Variants in MYO10 observed in about 807,000 individuals in gnomAD.
MYO10 encodes the protein myosin X, also known as unconventional myosin-X.
Under a neutral mutation model 257.3 loss-of-function variants are expected in MYO10, and 133 were observed. The ratio of observed to expected loss-of-function variants is 0.52; its 90% CI spans 0.45 to 0.60. The LOEUF (loss-of-function observed/expected upper bound fraction) is 0.60, where lower values mean the gene tolerates loss of function less well. Among genes scored for constraint, MYO10 ranks in the 20% least tolerant of loss-of-function variants. The pLI, the probability that MYO10 is intolerant of heterozygous loss-of-function variation, is 0.00. For synonymous variants in MYO10, 1,104 were observed against 1,028.6 expected (o/e 1.07, Z -1.40); for missense variants, 2,399 against 2,635.7 (o/e 0.91, Z 1.97).
chr5:16,670,130 T>C (rs552980247), intron 39 of MYO10, among the ~76,000 whole-genome samples: 1 of 152,324 alleles, frequency 6.6e-6, no homozygotes, highest in South Asian at 2.1e-4. Flanking sequence ...TAGACATTCT[T>C]CCTTTCAAAC....
At chr5:16,920,099 C>T (rs1365189183) in intron 1 of MYO10, among the ~76,000 whole-genome samples, 3 of 151,334 alleles carry the variant, frequency 2.0e-5, no homozygotes, top group Non-Finnish European at 4.4e-5. Flanking sequence ...AACAGAGCGA[C>T]ATTCAGTCTC....
rs1317824118 is a variant in MYO10 at position 16,935,801 on chromosome 5, T to C, written c.8A>G (p.Asn3Ser). The C allele has an allele frequency of 1.2e-6, 2 of 1,613,194 alleles. No individual in the cohort carries two copies. The highest frequency in any genetic ancestry group is 8.5e-7 in the Non-Finnish European group (1 of 1,179,658). ...GAGCGCACTTACCTCGGTGAAGAAG[T>C]TATCCATTGTTCCAGCGCAGTCCCG... The part of the protein sequence containing the change: MD[N>S]FFTEGTRVWL... The change falls in exon 1 of 41, where the codon AAC becomes AGC. Residue 3 changes from asparagine (N) to serine (S), a missense_variant. Physicochemically the swap from Asn to Ser is conservative, Grantham distance 46. This residue lies in a region of MYO10 where 242 missense variants were observed against 249.5 expected (regional missense o/e 0.97). Coordinates refer to ENST00000513610, the MANE Select transcript of MYO10 (RefSeq NM_012334.3).
intron 2 of MYO10, among the ~76,000 whole-genome samples, chr5:16,829,876 G>T (rs1743111489): frequency 6.7e-6 from 1 of 148,648 alleles, no homozygotes; most frequent in Non-Finnish European, 1.5e-5. Context: ...CAGTTGGAAG[G>T]AACGGCTAAT....
intron 3 of MYO10, among the ~76,000 whole-genome samples, chr5:16,802,910 C>T (rs1381957472): frequency 6.7e-6 from 1 of 150,084 alleles, no homozygotes; most frequent in African/African-American, 2.5e-5. Context: ...TCAAGACCGG[C>T]CTGGGCAACA....
chr5:16,803,515 GAAGA>G (rs1742183321), intron 3 of MYO10, among the ~76,000 whole-genome samples: 1 of 152,154 alleles, frequency 6.6e-6, no homozygotes, highest in African/African-American at 2.4e-5. Context: ...GACTATTCAG[GAAGA>G]GAGAACAAAA....
intron 1 of MYO10, among the ~76,000 whole-genome samples, chr5:16,892,460 G>A (rs980844955): frequency 6.6e-6 from 1 of 152,112 alleles, no homozygotes; most frequent in African/African-American, 2.4e-5. Context: ...GGGCAACATG[G>A]TGAGACCCCC....
chr5:16,716,866 T>G (rs560577828), intron 19 of MYO10, among the ~76,000 whole-genome samples: 1 of 152,270 alleles, frequency 6.6e-6, no homozygotes, highest in African/African-American at 2.4e-5. Flanking sequence ...GAAGTCTCAC[T>G]CTTGTCACCC....
chr5:16,756,818 A>C (rs933052725), intron 18 of MYO10, among the ~76,000 whole-genome samples: 3 of 152,032 alleles, frequency 2.0e-5, no homozygotes, highest in African/African-American at 7.2e-5. Flanking sequence ...CAAAAACCCA[A>C]GGGTGGGTGC....
chr5:16,899,148 A>G (rs1745305431), intron 1 of MYO10, among the ~76,000 whole-genome samples: 1 of 151,624 alleles, frequency 6.6e-6, no homozygotes, highest in Non-Finnish European at 1.5e-5. Context: ...AAAAAAAAAA[A>G]AAAAAGTGCT....
At chr5:16,760,547 TG>T (rs1740678621) in intron 17 of MYO10, among the ~76,000 whole-genome samples, 1 of 151,978 alleles carries the variant, frequency 6.6e-6, no homozygotes, top group African/African-American at 2.4e-5. Flanking sequence ...CAAGTTTCTG[TG>T]TGTTTTCTTT....
At chr5:16,876,352 A>C (rs760245388) in intron 2 of MYO10, among the ~76,000 whole-genome samples, 1 of 152,156 alleles carries the variant, frequency 6.6e-6, no homozygotes, top group Non-Finnish European at 1.5e-5. Context: ...TAGTGATAGG[A>C]CTTTTCATTC....
chr5:16,771,419 G>A (rs1254313357), intron 9 of MYO10, among the ~76,000 whole-genome samples: 1 of 151,546 alleles, frequency 6.6e-6, no homozygotes, highest in Admixed American at 6.6e-5. Context: ...TATAATACTA[G>A]AATTTTCATA....
chr5:16,844,560 T>A, intron 2 of MYO10, among the ~76,000 whole-genome samples: 1 of 152,180 alleles, frequency 6.6e-6, no homozygotes, highest in Non-Finnish European at 1.5e-5. Context: ...AATGGTTGCT[T>A]TTTGAAAAGC....
At chr5:16,933,706 A>C (rs73757206) in intron 1 of MYO10, among the ~76,000 whole-genome samples, 34 of 152,324 alleles carry the variant, frequency 2.2e-4, no homozygotes, top group African/African-American at 7.9e-4. Context: ...GACATGAGAG[A>C]GAGAAAGGGG....
intron 21 of MYO10, among the ~76,000 whole-genome samples, chr5:16,705,941 G>C (rs545879474): frequency 1.3e-5 from 2 of 152,272 alleles, no homozygotes; most frequent in South Asian, 4.1e-4. Context: ...CAGCACTCTG[G>C]GAGGCCGAGG....
In MYO10 at chr5:16,754,834, C is replaced by T; in HGVS notation, c.1923G>A (p.Met641Ile). 2 of 1,600,344 alleles carry T rather than the reference C, an allele frequency of 1.2e-6. No homozygotes were observed. Among genetic ancestry groups the T allele is most frequent in the Non-Finnish European group, 1.7e-6 (2 of 1,171,038 alleles). The change falls in exon 19 of 41, where the codon ATG becomes ATA. Residue 641 changes from methionine (M) to isoleucine (I), a missense_variant. Transcript: ENST00000513610. The part of the protein sequence containing the change: ...PFFVRCIKPN[M>I]QKMPDQFDQA... ...GGACTGTCATCAATCTTACCTTCTG[C>T]ATGTTTGGCTTGATACAGCGAACAA...
intron 28 of MYO10, among the ~76,000 whole-genome samples, chr5:16,688,018 A>C (rs1229042631): frequency 5.3e-5 from 8 of 152,224 alleles, no homozygotes; most frequent in Admixed American, 5.2e-4. Flanking sequence ...GTCAGGAGAA[A>C]AAGTCCTTGG....
At chr5:16,891,099 G>C (rs190124985) in intron 1 of MYO10, among the ~76,000 whole-genome samples, 3 of 151,710 alleles carry the variant, frequency 2.0e-5, no homozygotes, top group Admixed American at 2.0e-4. Context: ...CCTGACTAAC[G>C]TGGTGAAACC....
rs59358212 is a variant in MYO10 at position 16,870,785 on chromosome 5, A to G, written c.120+6824T>C. The stretch of plus-strand genomic sequence containing the variant: ...CATGCGCCTGTAATCCCAGCTACTC[A>G]GGAGGCTGAGGCAGGAGAATCACTT... On this transcript the variant is annotated intron_variant, in intron 2 of 40. Transcript: ENST00000513610. Among the ~76,000 whole-genome samples the G allele has an allele frequency of 9.1e-3, 1,384 of 152,184 alleles. 20 individuals carry two copies. Among genetic ancestry groups the G allele is most frequent in the African/African-American group, 0.031 (1,286 of 41,526 alleles).
Sources: allele counts gnomAD v4.1 joint callset (sites outside exome capture counted in the v4.1 genomes callset), GRCh38; gene constraint gnomAD v4.1.1; regional missense constraint gnomAD v4.1.1; transcripts MANE v1.5; gene names NCBI Gene and HGNC (gene_info 2026-07-23, HGNC 2026-07-21).